Variants in MNAT1 observed in about 807,000 individuals in gnomAD.
The protein encoded by MNAT1 is CDK-activating kinase assembly factor MAT1.
A neutral mutation model predicts 42.0 loss-of-function variants in MNAT1; 43 were observed. The ratio of observed to expected loss-of-function variants is 1.02; its 90% CI spans 0.80 to 1.32. The LOEUF is 1.32. MNAT1 is among the 40% of genes most tolerant of loss of function. The probability of loss-of-function intolerance (pLI) is 0.00; values close to 1 mark genes in which losing one functional copy is unlikely to be tolerated. For missense variants in MNAT1, 306 were observed against 350.4 expected (o/e 0.87, Z 1.01); for synonymous variants, 118 against 120.0 (o/e 0.98, Z 0.11).
chr14:60,857,647 C>T (rs983507886), intron 6 of MNAT1, among the ~76,000 whole-genome samples: 6 of 152,132 alleles, frequency 3.9e-5, no homozygotes, highest in Non-Finnish European at 7.4e-5. Context: ...CATAGGTATA[C>T]ATGTGCCATG....
chr14:60,797,732 C>A (rs967026607), intron 2 of MNAT1, among the ~76,000 whole-genome samples: 2 of 152,034 alleles, frequency 1.3e-5, no homozygotes, highest in African/African-American at 2.4e-5. Flanking sequence ...TTGAGACCAG[C>A]CTGGCCAACA....
intron 1 of MNAT1, among the ~76,000 whole-genome samples, chr14:60,771,860 T>A (rs891203242): frequency 1.3e-5 from 2 of 152,210 alleles, no homozygotes; most frequent in African/African-American, 4.8e-5. Flanking sequence ...TAATGAATAT[T>A]TATTGAATTG....
At chr14:60,938,760 G>A (rs1434003145) in intron 7 of MNAT1, among the ~76,000 whole-genome samples, 1 of 152,188 alleles carries the variant, frequency 6.6e-6, no homozygotes, top group Non-Finnish European at 1.5e-5. Context: ...ATGAGTTAGG[G>A]AGGATTCCCT....
chr14:60,928,904 G>A (rs2035820800), intron 7 of MNAT1, among the ~76,000 whole-genome samples: 1 of 151,148 alleles, frequency 6.6e-6, no homozygotes, highest in Non-Finnish European at 1.5e-5. Context: ...CATTTTGGGA[G>A]GCCTAGGTGG....
At chr14:60,887,935 C>T (rs1286052368) in intron 7 of MNAT1, among the ~76,000 whole-genome samples, 2 of 150,872 alleles carry the variant, frequency 1.3e-5, no homozygotes. Context: ...ATAACAGGCT[C>T]TGAAATTGTG....
intron 7 of MNAT1, among the ~76,000 whole-genome samples, chr14:60,914,744 G>T (rs938777656): frequency 6.6e-6 from 1 of 152,082 alleles, no homozygotes; most frequent in Non-Finnish European, 1.5e-5. Context: ...GCCTTAGGGA[G>T]ATTTAAAAAA....
intron 7 of MNAT1, among the ~76,000 whole-genome samples, chr14:60,887,320 T>C (rs1435369197): frequency 6.6e-6 from 1 of 151,530 alleles, no homozygotes; most frequent in Non-Finnish European, 1.5e-5. Context: ...ACATGTGCCA[T>C]GCTGGTGTGC....
At chr14:60,962,422 C>G (rs2036610261) in intron 7 of MNAT1, among the ~76,000 whole-genome samples, 2 of 152,102 alleles carry the variant, frequency 1.3e-5, no homozygotes, top group South Asian at 4.2e-4. Flanking sequence ...CAGAATCTAT[C>G]CTTAGAGGTC....
intron 1 of MNAT1, among the ~76,000 whole-genome samples, chr14:60,765,487 G>A (rs141830658): frequency 7.5e-4 from 114 of 152,128 alleles, no homozygotes; most frequent in African/African-American, 2.6e-3. Flanking sequence ...AAACCTGCAC[G>A]TTCTGCACAT....
At chr14:60,918,368 C>T (rs959469199) in intron 7 of MNAT1, among the ~76,000 whole-genome samples, 1 of 151,112 alleles carries the variant, frequency 6.6e-6, no homozygotes, top group East Asian at 2.0e-4. Context: ...GCAACCATAC[C>T]GGGCTAATTT....
intron 1 of MNAT1, among the ~76,000 whole-genome samples, chr14:60,750,529 CTTTT>C (rs775053270): frequency 1.1e-5 from 1 of 90,676 alleles, no homozygotes; most frequent in Non-Finnish European, 2.3e-5. Context: ...TGCGCCCAGC[CTTTT>C]TTTTTTTTTT....
chr14:60,867,931 G>T (rs2034242626), intron 6 of MNAT1, among the ~76,000 whole-genome samples: 1 of 152,060 alleles, frequency 6.6e-6, no homozygotes, highest in Non-Finnish European at 1.5e-5. Flanking sequence ...GGGGAAAAAT[G>T]AATTATACTT....
chr14:60,827,068 C>G (rs1322687364), intron 6 of MNAT1, among the ~76,000 whole-genome samples: 1 of 152,060 alleles, frequency 6.6e-6, no homozygotes, highest in Admixed American at 6.5e-5. Flanking sequence ...TAAAATGAGT[C>G]ACAAAGATAA....
At chr14:60,834,354 T>A (rs532389073) in intron 6 of MNAT1, among the ~76,000 whole-genome samples, 2 of 152,208 alleles carry the variant, frequency 1.3e-5, no homozygotes, top group African/African-American at 4.8e-5. Flanking sequence ...TTCTAGTACG[T>A]TGTGTCTTTG....
At chr14:60,944,631 T>G (rs1028125482) in intron 7 of MNAT1, among the ~76,000 whole-genome samples, 1 of 152,198 alleles carries the variant, frequency 6.6e-6, no homozygotes, top group Non-Finnish European at 1.5e-5. Flanking sequence ...ACCCCCATAG[T>G]ACTGGTCTCA....
chr14:60,787,454 C>T (rs2031686833), intron 1 of MNAT1, among the ~76,000 whole-genome samples: 1 of 152,082 alleles, frequency 6.6e-6, no homozygotes, highest in African/African-American at 2.4e-5. Flanking sequence ...GTTGATGGCT[C>T]CTGACTGATC....
chr14:60,749,394 T>C (rs1232616606), intron 1 of MNAT1, among the ~76,000 whole-genome samples: 1 of 152,224 alleles, frequency 6.6e-6, no homozygotes, highest in Non-Finnish European at 1.5e-5. Flanking sequence ...GGAATTAATT[T>C]TTTCTCATTG....
intron 3 of MNAT1, among the ~76,000 whole-genome samples, chr14:60,799,946 A>T (rs1328388918): frequency 6.6e-6 from 1 of 152,072 alleles, no homozygotes; most frequent in African/African-American, 2.4e-5. Context: ...TTCATGAAGG[A>T]CTGTCTTCAG....
chr14:60,771,822 A>C (rs1408965133), intron 1 of MNAT1, among the ~76,000 whole-genome samples: 2 of 152,252 alleles, frequency 1.3e-5, no homozygotes, highest in African/African-American at 4.8e-5. Context: ...CTAATGCCTC[A>C]AACAGTGCCT....
Sources: allele counts gnomAD v4.1 joint callset (sites outside exome capture counted in the v4.1 genomes callset), GRCh38; gene constraint gnomAD v4.1.1; transcripts MANE v1.5; gene names NCBI Gene and HGNC (gene_info 2026-07-23, HGNC 2026-07-21).